Variants in SLC1A2 observed in about 807,000 individuals in gnomAD.
SLC1A2 encodes the protein solute carrier family 1 member 2.
SLC1A2 carries 15 observed loss-of-function variants against 48.8 expected under a neutral mutation model. That is an observed-to-expected ratio of 0.31 (90% CI 0.21 to 0.47). The LOEUF (loss-of-function observed/expected upper bound fraction) is 0.47. SLC1A2 is among the 20% of genes least tolerant of loss of function. SLC1A2 has a pLI of 0.99. For synonymous variants in SLC1A2, 279 were observed against 272.6 expected, an observed-to-expected ratio of 1.02 and a Z score of -0.23; for missense variants, 502 against 730.5, an observed-to-expected ratio of 0.69 and a Z score of 3.61.
chr11:35,416,048 C>T (rs1025879210), intron 1 of SLC1A2, among the ~76,000 whole-genome samples: 1 of 152,228 alleles, frequency 6.6e-6, no homozygotes, highest in Admixed American at 6.5e-5. Flanking sequence ...TTAGACCTTG[C>T]TTTGCAGGAA....
At chr11:35,290,070 T>C (rs1323484644) in intron 7 of SLC1A2, among the ~76,000 whole-genome samples, 1 of 152,114 alleles carries the variant, frequency 6.6e-6, no homozygotes, top group Non-Finnish European at 1.5e-5. Context: ...ACTGGCAATA[T>C]CCAGAGCTGG....
intron 1 of SLC1A2, among the ~76,000 whole-genome samples, chr11:35,321,179 A>T (rs1278142457): frequency 6.6e-6 from 1 of 152,192 alleles, no homozygotes. Context: ...CTATCACAAA[A>T]ACAGCATGAG....
At chr11:35,308,985 C>T (rs1159949046) in intron 4 of SLC1A2, among the ~76,000 whole-genome samples, 4 of 152,198 alleles carry the variant, frequency 2.6e-5, no homozygotes, top group African/African-American at 9.7e-5. Flanking sequence ...TACCTCCACA[C>T]TGGCCTCACA....
chr11:35,342,338 C>G (rs11033081), intron 1 of SLC1A2, among the ~76,000 whole-genome samples: 120,236 of 152,124 alleles, frequency 0.79, 47,990 homozygotes, highest in East Asian at 0.92. Flanking sequence ...GGAAGTTATC[C>G]AGGATGTACT....
At chr11:35,362,633 T>C (rs992214787) in intron 1 of SLC1A2, among the ~76,000 whole-genome samples, 1 of 152,206 alleles carries the variant, frequency 6.6e-6, no homozygotes, top group African/African-American at 2.4e-5. Flanking sequence ...CAACATATGG[T>C]AACTATTATG....
chr11:35,286,199 A>C (rs186558219), intron 8 of SLC1A2: 4 of 152,408 alleles, frequency 2.6e-5, no homozygotes, highest in African/African-American at 9.6e-5. Context: ...TAGTAAAAAC[A>C]AAACTATGTG....
intron 9 of SLC1A2, among the ~76,000 whole-genome samples, chr11:35,270,382 A>G (rs1211748566): frequency 6.6e-6 from 1 of 152,212 alleles, no homozygotes; most frequent in Non-Finnish European, 1.5e-5. Flanking sequence ...GGCATACATG[A>G]GCAAGAAAAT....
At chr11:35,265,243 A>C (rs1368120518) in intron 10 of SLC1A2, 3 of 501,406 alleles carry the variant, frequency 6.0e-6, no homozygotes, top group Admixed American at 3.8e-5. Flanking sequence ...ACAACTGGTC[A>C]AATTAGTTAA....
intron 5 of SLC1A2, among the ~76,000 whole-genome samples, chr11:35,305,280 T>C (rs1422570483): frequency 6.6e-6 from 1 of 152,224 alleles, no homozygotes; most frequent in Admixed American, 6.5e-5. Flanking sequence ...CTTTGAATAA[T>C]GATCACAGCT....
At chr11:35,361,757 C>T (rs1315931942) in intron 1 of SLC1A2, among the ~76,000 whole-genome samples, 1 of 152,050 alleles carries the variant, frequency 6.6e-6, no homozygotes, top group African/African-American at 2.4e-5. Context: ...CAGGAGGACT[C>T]CTTGAGCCTA....
Position 35,418,969 on chromosome 11 carries a change from T to C in SLC1A2, c.-3A>G, listed in dbSNP as rs774462842. 1.3e-5 allele frequency: 21 copies of C among 1,567,124 alleles called. No homozygotes were observed. In the South Asian group the frequency reaches 1.5e-4, roughly 11 times the overall value. ...CCTCACCCTTCCGTAGATGCCATGG[T>C]CTGGGGAACGCCCCCTCCTCTTCAG... is the stretch of plus-strand genomic sequence containing the variant. On this transcript the variant is annotated 5_prime_UTR_variant, in exon 1 of 11. Transcript: ENST00000278379.
chr11:35,369,517 G>A (rs769799847), intron 1 of SLC1A2, among the ~76,000 whole-genome samples: 38 of 152,150 alleles, frequency 2.5e-4, no homozygotes, highest in Non-Finnish European at 3.8e-4. Flanking sequence ...GAAATAAAAA[G>A]CCATGGGGCC....
At chr11:35,329,068 G>A (rs1167127589) in intron 1 of SLC1A2, among the ~76,000 whole-genome samples, 1 of 152,078 alleles carries the variant, frequency 6.6e-6, no homozygotes, top group Non-Finnish European at 1.5e-5. Flanking sequence ...ATTCAGCACT[G>A]AAAAGAAATG....
intron 1 of SLC1A2, among the ~76,000 whole-genome samples, chr11:35,349,489 C>A (rs1245180793): frequency 6.8e-6 from 1 of 147,684 alleles, no homozygotes; most frequent in East Asian, 1.9e-4. Flanking sequence ...TACTGTCTTC[C>A]TCATCTCAGA....
chr11:35,409,607 C>T (rs1229309540), intron 1 of SLC1A2, among the ~76,000 whole-genome samples: 2 of 152,168 alleles, frequency 1.3e-5, no homozygotes, highest in African/African-American at 4.8e-5. Context: ...ATGTGAGACA[C>T]AGCTAAAGCT....
chr11:35,367,191 A>T (rs1324168489), intron 1 of SLC1A2, among the ~76,000 whole-genome samples: 1 of 152,196 alleles, frequency 6.6e-6, no homozygotes, highest in Non-Finnish European at 1.5e-5. Flanking sequence ...GTGCAGTGCC[A>T]GGGCATTGGT....
chr11:35,275,071 C>G (rs1421070118), intron 9 of SLC1A2, among the ~76,000 whole-genome samples: 1 of 152,208 alleles, frequency 6.6e-6, no homozygotes, highest in Admixed American at 6.5e-5. Context: ...TGTCAATTCT[C>G]CAGCCCCACC....
intron 1 of SLC1A2, among the ~76,000 whole-genome samples, chr11:35,344,800 G>C (rs1590210943): frequency 6.6e-6 from 1 of 152,248 alleles, no homozygotes; most frequent in African/African-American, 2.4e-5. Flanking sequence ...AACTATCTTC[G>C]AGCAATAAAA....
intron 10 of SLC1A2, 61 bp downstream of exon 10, chr11:35,265,466 T>TTA (rs397816522): frequency 7.1e-6 from 6 of 850,498 alleles, no homozygotes; most frequent in South Asian, 3.2e-5. Context: ...TTTTTTTTTT[T>TTA]AAAGAAATCA....
Sources: allele counts gnomAD v4.1 joint callset (sites outside exome capture counted in the v4.1 genomes callset), GRCh38; gene constraint gnomAD v4.1.1; transcripts MANE v1.5; gene names NCBI Gene and HGNC (gene_info 2026-07-23, HGNC 2026-07-21).